Variants in NTRK3 observed in about 807,000 individuals in gnomAD.
NTRK3 encodes neurotrophic receptor tyrosine kinase 3.
Under a neutral mutation model 91.7 loss-of-function variants are expected in NTRK3, and 24 were observed. The observed-to-expected ratio is 0.26, with a 90% confidence interval of 0.19 to 0.37. NTRK3 has a LOEUF of 0.37. Ranked by LOEUF, NTRK3 falls within the 10% of genes least tolerant of loss-of-function variation. NTRK3 has a pLI of 1.00. For synonymous variants in NTRK3, 483 were observed against 404.0 expected, an observed-to-expected ratio of 1.20 and a Z score of -2.34; for missense variants, 880 against 1,068.9, an observed-to-expected ratio of 0.82 and a Z score of 2.46.
At chr15:87,964,202 CAG>C (rs1375871864) in intron 14 of NTRK3, among the ~76,000 whole-genome samples, 2 of 152,048 alleles carry the variant, frequency 1.3e-5, no homozygotes, top group African/African-American at 4.8e-5. Flanking sequence ...CACTCAATAA[CAG>C]AGGTTACTTA....
At chr15:88,147,870 A>G (rs2043026324) in intron 5 of NTRK3, among the ~76,000 whole-genome samples, 2 of 152,142 alleles carry the variant, frequency 1.3e-5, no homozygotes. Flanking sequence ...ATGCCCACCA[A>G]TGATCAAGAC....
At chr15:88,202,912 C>T (rs938294129) in intron 3 of NTRK3, among the ~76,000 whole-genome samples, 1 of 152,210 alleles carries the variant, frequency 6.6e-6, no homozygotes, top group Admixed American at 6.5e-5. Context: ...TCTGGTTGGG[C>T]AGGGGCTGGA....
intron 6 of NTRK3, chr15:88,143,947 C>G (rs1207370622): frequency 6.6e-6 from 1 of 152,142 alleles, no homozygotes; most frequent in East Asian, 1.9e-4. Context: ...TCAGAGAAGC[C>G]TGTTCAAGAT....
Position 87,976,069 on chromosome 15 carries a change from A to G in NTRK3, c.1586-35316T>C, listed in dbSNP as rs576328989. Among the ~76,000 whole-genome samples the G allele has an allele frequency of 2.6e-5, 4 of 152,242 alleles. No homozygotes were observed. In the East Asian group the frequency reaches 7.8e-4, roughly 30 times the overall value. ...ATTATCTCTTCTCCCATACACTGAT[A>G]GGCTCCAAGCATCAGAAAAAAAGAA... On this transcript the variant is annotated intron_variant, in intron 14 of 18. Coordinates refer to ENST00000394480, the Ensembl canonical transcript of NTRK3.
At chr15:88,145,643 A>G (rs989499777) in intron 6 of NTRK3, among the ~76,000 whole-genome samples, 29 of 152,212 alleles carry the variant, frequency 1.9e-4, no homozygotes, top group Admixed American at 1.8e-3. Context: ...TTTCACATCC[A>G]ATAATTTTTT....
chr15:88,069,173 G>A (rs2046902746), intron 13 of NTRK3, among the ~76,000 whole-genome samples: 1 of 152,130 alleles, frequency 6.6e-6, no homozygotes, highest in South Asian at 2.1e-4. Flanking sequence ...GAAACTTTAG[G>A]ACAACCTTGC....
At chr15:88,088,264 C>T (rs532589201) in intron 13 of NTRK3, among the ~76,000 whole-genome samples, 8 of 152,216 alleles carry the variant, frequency 5.3e-5, no homozygotes, top group South Asian at 2.1e-4. Flanking sequence ...GTGGAGCTGG[C>T]GTGGAACTAT....
chr15:88,208,097 A>G (rs1478833958), intron 3 of NTRK3, among the ~76,000 whole-genome samples: 1 of 152,148 alleles, frequency 6.6e-6, no homozygotes, highest in Admixed American at 6.5e-5. Flanking sequence ...ACATCCCTCC[A>G]GCATGCCTGG....
At chr15:88,076,642 C>T (rs1016600498) in intron 13 of NTRK3, among the ~76,000 whole-genome samples, 15 of 142,986 alleles carry the variant, frequency 1.0e-4, no homozygotes, top group African/African-American at 3.9e-4. Context: ...TAGGAGGGAG[C>T]TGATGACTTA....
At chr15:87,947,636 C>G (rs997569385) in intron 14 of NTRK3, among the ~76,000 whole-genome samples, 1 of 151,580 alleles carries the variant, frequency 6.6e-6, no homozygotes, top group Non-Finnish European at 1.5e-5. Flanking sequence ...CAAGGTGAGT[C>G]CTGAGCGTGA....
intron 10 of NTRK3, among the ~76,000 whole-genome samples, chr15:88,131,021 C>A (rs1295602611): frequency 2.6e-5 from 4 of 152,260 alleles, no homozygotes; most frequent in Non-Finnish European, 5.9e-5. Flanking sequence ...ATATGAATTC[C>A]AAACTATTTC....
intron 14 of NTRK3, 50 bp downstream of exon 14, chr15:88,032,807 C>T (rs765312219): frequency 9.3e-6 from 15 of 1,607,066 alleles, no homozygotes; most frequent in Admixed American, 1.7e-5. Context: ...GGTCTATCAC[C>T]AACCACCCTC....
At chr15:87,890,570 T>TACACACACACACACACAC (rs58806302) in intron 17 of NTRK3, among the ~76,000 whole-genome samples, 1 of 147,730 alleles carries the variant, frequency 6.8e-6, no homozygotes, top group African/African-American at 2.5e-5. Context: ...GCTTGTTCTT[T>TACACACACACACACACAC]ACACACACAC....
intron 3 of NTRK3, among the ~76,000 whole-genome samples, chr15:88,248,138 C>A (rs1016782920): frequency 2.0e-5 from 3 of 152,202 alleles, no homozygotes; most frequent in African/African-American, 7.2e-5. Context: ...CAGCCACCAG[C>A]TTTCTGAATC....
At chr15:88,055,104 G>A (rs1567303664) in intron 13 of NTRK3, among the ~76,000 whole-genome samples, 1 of 152,184 alleles carries the variant, frequency 6.6e-6, no homozygotes, top group African/African-American at 2.4e-5. Context: ...GGTGCATCCA[G>A]TGAGCTTAGA....
chr15:88,058,801 C>G (rs963188040), intron 13 of NTRK3, among the ~76,000 whole-genome samples: 1 of 152,148 alleles, frequency 6.6e-6, no homozygotes, highest in African/African-American at 2.4e-5. Flanking sequence ...TTCCAGAAAT[C>G]TCAATGTCAT....
chr15:87,915,586 T>A (rs915371813), intron 17 of NTRK3, among the ~76,000 whole-genome samples: 74 of 152,358 alleles, frequency 4.9e-4, no homozygotes, highest in African/African-American at 1.8e-3. Flanking sequence ...TGGCTTTTTT[T>A]ATTTTAAATT....
chr15:88,126,509 A>G, intron 12 of NTRK3, 136 bp from the exon 13 acceptor site: 1 of 614,946 alleles, frequency 1.6e-6, no homozygotes. Context: ...AATACTGAGT[A>G]AGGTCTTTAG....
At chr15:88,033,472 G>T (rs77116979) in intron 13 of NTRK3, among the ~76,000 whole-genome samples, 22,439 of 151,216 alleles carry the variant, frequency 0.15, 2,386 homozygotes, top group African/African-American at 0.3. Context: ...CACCATGCCT[G>T]GCTAATTTTT....
Sources: allele counts gnomAD v4.1 joint callset (sites outside exome capture counted in the v4.1 genomes callset), GRCh38; gene constraint gnomAD v4.1.1; transcripts MANE v1.5; gene names NCBI Gene and HGNC (gene_info 2026-07-23, HGNC 2026-07-21).